Variants in RCBTB1 observed in about 807,000 individuals in gnomAD.
RCBTB1 encodes the protein RCC1 and BTB domain containing protein 1.
A neutral mutation model predicts 62.4 loss-of-function variants in RCBTB1; 46 were observed. That is an observed-to-expected ratio of 0.74 (90% CI 0.58 to 0.94). RCBTB1 has a LOEUF of 0.94. Ranked by LOEUF, RCBTB1 falls within the 40% of genes least tolerant of loss-of-function variation. The pLI, the probability that RCBTB1 is intolerant of heterozygous loss-of-function variation, is 0.00. For missense variants in RCBTB1, 565 were observed against 654.9 expected (o/e 0.86, Z 1.50); for synonymous variants, 222 against 245.8 (o/e 0.90, Z 0.91).
At position 49,562,215 on chromosome 13, in the gene RCBTB1, T is replaced by C. The variant is rs1594310863; in HGVS notation, c.278-2131A>G. 4.6e-5 allele frequency among the ~76,000 whole-genome samples: 7 copies of C among 151,714 alleles called. No homozygotes were observed. In the South Asian group the frequency reaches 1.5e-3, roughly 32 times the overall value. The stretch of plus-strand genomic sequence containing the variant: ...AGTTCTGGAAAGAAACATTTAAAGA[T>C]CAAGAAAGAACACTTGGAAATAAAA... On this transcript the variant is annotated intron_variant, in intron 4 of 12. Coordinates refer to ENST00000378302, the MANE Select transcript of RCBTB1 (RefSeq NM_018191.4).
intron 11 of RCBTB1, 53 bp from the exon 12 acceptor site, chr13:49,541,059 C>T: frequency 6.5e-7 from 1 of 1,540,618 alleles, no homozygotes; most frequent in Non-Finnish European, 8.8e-7. Flanking sequence ...ATTTCCAATA[C>T]ACAGAGATTT....
chr13:49,569,843 G>A lies in RCBTB1; in HGVS notation c.-41-2523C>T, dbSNP rs115635287. 6.7e-3 allele frequency among the ~76,000 whole-genome samples: 1,026 copies of A among 152,174 alleles called. 10 individuals carry two copies. The highest frequency in any genetic ancestry group is 0.023 in the African/African-American group (963 of 41,506). On this transcript the variant is annotated intron_variant, in intron 2 of 12. Transcript: ENST00000378302. Reference sequence around the variant, plus strand: ...GATTGCTTGAACCCAGGAAGTCAAGGCTGCAGTTGAGCCGAGATCACAACG... The same window carrying A: ...GATTGCTTGAACCCAGGAAGTCAAGACTGCAGTTGAGCCGAGATCACAACG...
At chr13:49,554,977 TA>T (rs1161084905) in intron 6 of RCBTB1, among the ~76,000 whole-genome samples, 1 of 152,222 alleles carries the variant, frequency 6.6e-6, no homozygotes, top group Non-Finnish European at 1.5e-5. Context: ...ATCCAGAGAC[TA>T]ATTTCACAGA....
At position 49,532,241 on chromosome 13, in the gene RCBTB1, C is replaced by T. The variant is rs975833071; in HGVS notation, c.*1881G>A. On this transcript the variant is annotated 3_prime_UTR_variant, in exon 13 of 13. Transcript: ENST00000378302. The stretch of plus-strand genomic sequence containing the variant: ...AAGACCTGTTCTCTTCACTGCCACA[C>T]ATATTCATACAAATGACTTAGTAAT... 7.2e-5 allele frequency: 11 copies of T among 152,618 alleles called. No homozygotes were observed. The highest frequency in any genetic ancestry group is 5.2e-4 in the Admixed American group (8 of 15,284). 9.5% of individuals were successfully genotyped at this position (152,618 alleles called of 1,614,324 possible). A position where few individuals can be genotyped will look rare whatever the true frequency, so the allele number is the denominator to read the frequency against.
intron 5 of RCBTB1, among the ~76,000 whole-genome samples, chr13:49,558,113 C>T (rs1962099485): frequency 6.6e-6 from 1 of 152,224 alleles, no homozygotes; most frequent in African/African-American, 2.4e-5. Flanking sequence ...GTGGAGTCTG[C>T]ATGTCCCATG....
intron 5 of RCBTB1, 144 bp from the exon 6 acceptor site, chr13:49,555,817 A>T: frequency 1.6e-6 from 1 of 610,544 alleles, no homozygotes; most frequent in Non-Finnish European, 2.7e-6. Flanking sequence ...ACACACATTA[A>T]CCTATTTAAC....
At chr13:49,535,925 A>G (rs1197933858) in intron 12 of RCBTB1, among the ~76,000 whole-genome samples, 1 of 151,708 alleles carries the variant, frequency 6.6e-6, no homozygotes, top group Non-Finnish European at 1.5e-5. Context: ...CAGGAAGCTG[A>G]GGCAGGAGAA....
rs552760748 is a variant in RCBTB1 at position 49,567,314 on chromosome 13, G to C, written c.-35C>G. On this transcript the variant is annotated 5_prime_UTR_variant, in exon 3 of 13. Coordinates refer to ENST00000378302, the MANE Select transcript of RCBTB1 (RefSeq NM_018191.4). The stretch of plus-strand genomic sequence containing the variant: ...TTCAAGCAATTCCTATAAATAAGCC[G>C]ACATCTCTGCTGGAACAGAAAGGAT... 29 of 1,607,252 alleles carry C rather than the reference G, an allele frequency of 1.8e-5. No individual in the cohort carries two copies. Among genetic ancestry groups the C allele is most frequent in the Non-Finnish European group, 2.3e-5 (27 of 1,175,552 alleles).
At chr13:49,581,808 G>C (rs1312590804) in intron 1 of RCBTB1, among the ~76,000 whole-genome samples, 1 of 152,190 alleles carries the variant, frequency 6.6e-6, no homozygotes, top group Non-Finnish European at 1.5e-5. Flanking sequence ...CACCAAACGA[G>C]GGAAGGGTGG....
chr13:49,551,455 T>C lies in RCBTB1; in HGVS notation c.725A>G (p.Tyr242Cys). The change falls in exon 8 of 13, where the codon TAC becomes TGC. Residue 242 changes from tyrosine to cysteine, a missense_variant. Coordinates refer to ENST00000378302, the MANE Select transcript of RCBTB1 (RefSeq NM_018191.4). ...ATCTGTTAGTGCTAGAGTATGTGCG[T>C]AACCGCAGACAATCTGCAAGTAAAT... is the stretch of plus-strand genomic sequence containing the variant. ...SVCVNQIVCG[Y>C]AHTLALTDEG... 6.2e-7 allele frequency: 1 copy of C among 1,614,048 alleles called. No individual in the cohort carries two copies. Among genetic ancestry groups the C allele is most frequent in the Non-Finnish European group, 8.5e-7 (1 of 1,179,986 alleles).
intron 2 of RCBTB1, among the ~76,000 whole-genome samples, chr13:49,580,107 C>A (rs1964010701): frequency 6.6e-6 from 1 of 152,136 alleles, no homozygotes; most frequent in Non-Finnish European, 1.5e-5. Context: ...TAGGGTTGTG[C>A]AGCTGACTGA....
At chr13:49,546,841 T>G (rs572604385) in intron 9 of RCBTB1, 166 of 513,838 alleles carry the variant, frequency 3.2e-4, no homozygotes, top group Non-Finnish European at 4.1e-4. Context: ...ACTCACCTCC[T>G]GCCGTGCAAC....
chr13:49,532,692 A>G lies in RCBTB1; in HGVS notation c.*1430T>C, dbSNP rs917842303. On this transcript the variant is annotated 3_prime_UTR_variant, in exon 13 of 13. Transcript: ENST00000378302. ...TTCCCACCCCAATAGACACAAATTT[A>G]AAAACATTGCTAAAAATAGTAGTTG... 1.3e-5 allele frequency: 2 copies of G among 152,096 alleles called. No homozygotes were observed. Among genetic ancestry groups the G allele is most frequent in the East Asian group, 3.8e-4 (2 of 5,198 alleles). The allele number at this position is 152,096 out of a possible 1,614,324, so 9.4% of individuals were successfully genotyped here. A position where few individuals can be genotyped will look rare whatever the true frequency, so the allele number is the denominator to read the frequency against.
intron 1 of RCBTB1, among the ~76,000 whole-genome samples, chr13:49,583,553 C>CT (rs1020918835): frequency 7.3e-4 from 107 of 147,416 alleles, no homozygotes; most frequent in African/African-American, 1.7e-3. Flanking sequence ...ACAACATGTA[C>CT]TTTTTTTTTT....
At position 49,559,575 on chromosome 13, in the gene RCBTB1, A is replaced by G. The variant is rs191152140; in HGVS notation, c.444+343T>C. Among the ~76,000 whole-genome samples the G allele has an allele frequency of 6.2e-4, 94 of 150,712 alleles. 2 individuals carry two copies. The East Asian group carries it at 0.014, about 22-fold the overall frequency. ...GGAGGCTGAGGCAGGAAAATGGCGT[A>G]AACCCGGGAGGCGGAGCTTGCAGTG... On this transcript the variant is annotated intron_variant, in intron 5 of 12. Transcript: ENST00000378302.
intron 1 of RCBTB1, among the ~76,000 whole-genome samples, chr13:49,581,954 A>G (rs1483570520): frequency 1.3e-5 from 2 of 152,296 alleles, no homozygotes; most frequent in Non-Finnish European, 2.9e-5. Flanking sequence ...GGAAACCATG[A>G]GTATAAACAA....
intron 12 of RCBTB1, among the ~76,000 whole-genome samples, chr13:49,535,280 T>C (rs955792877): frequency 6.6e-6 from 1 of 152,140 alleles, no homozygotes; most frequent in Non-Finnish European, 1.5e-5. Flanking sequence ...TCCCTGCCTA[T>C]GCTAATCCAC....
chr13:49,575,061 G>C (rs1963682536), intron 2 of RCBTB1, among the ~76,000 whole-genome samples: 1 of 152,188 alleles, frequency 6.6e-6, no homozygotes, highest in African/African-American at 2.4e-5. Flanking sequence ...CCAGGAGCTG[G>C]GGGGAGGTAG....
chr13:49,565,063 G>A (rs985530809), intron 4 of RCBTB1, among the ~76,000 whole-genome samples: 7 of 152,110 alleles, frequency 4.6e-5, no homozygotes, highest in African/African-American at 1.7e-4. Flanking sequence ...CTCTGATGCC[G>A]AGCCGAAGCT....
Sources: allele counts gnomAD v4.1 joint callset (sites outside exome capture counted in the v4.1 genomes callset), GRCh38; gene constraint gnomAD v4.1.1; transcripts MANE v1.5; gene names NCBI Gene and HGNC (gene_info 2026-07-23, HGNC 2026-07-21).